The following GABARAPL2 variants were observed in gnomAD, a reference collection of about 807,000 sequenced individuals.
GABARAPL2 encodes GABA type A receptor associated protein like 2.
In GABARAPL2, 11 loss-of-function variants were observed where a neutral mutation model predicts 16.9. The ratio of observed to expected loss-of-function variants is 0.65; its 90% CI spans 0.41 to 1.08. GABARAPL2 has a LOEUF of 1.08. GABARAPL2 is among the 50% of genes least tolerant of loss of function. The pLI is 0.00. For synonymous variants in GABARAPL2, 57 were observed against 50.7 expected (o/e 1.12, Z -0.53); for missense variants, 134 against 142.5 (o/e 0.94, Z 0.30).
chr16:75,576,553 T>C (rs1020763929), intron 3 of GABARAPL2: 1 of 152,258 alleles, frequency 6.6e-6, no homozygotes, highest in Admixed American at 6.5e-5. Context: ...CTTCCTCTCA[T>C]CTCAGAGAGT....
At chr16:75,575,831 T>G (rs1182945659) in intron 3 of GABARAPL2, 1 of 152,206 alleles carries the variant, frequency 6.6e-6, no homozygotes, top group Non-Finnish European at 1.5e-5. Context: ...GGTGATCCAC[T>G]TAATATATTT....
In GABARAPL2 at chr16:75,577,516, G is replaced by T; in HGVS notation, c.*147G>T. On this transcript the variant is annotated 3_prime_UTR_variant, in exon 4 of 4. Transcript: ENST00000037243. Reference sequence around the variant, plus strand: ...ATTTCTTAATATATTGGAAGGTTTTGTTTCCTTAGACTAGTAAATTATCAT... The same window carrying T: ...ATTTCTTAATATATTGGAAGGTTTTTTTTCCTTAGACTAGTAAATTATCAT... 1 of 593,362 alleles carries T rather than the reference G, an allele frequency of 1.7e-6. No individual in the cohort carries two copies. Among genetic ancestry groups the T allele is most frequent in the Non-Finnish European group, 3.0e-6 (1 of 330,186 alleles). The allele number at this position is 593,362 out of a possible 1,614,324, so 36.8% of individuals were successfully genotyped here.
chr16:75,569,298 C>G (rs562921065), intron 3 of GABARAPL2, among the ~76,000 whole-genome samples: 2 of 152,202 alleles, frequency 1.3e-5, no homozygotes, highest in Admixed American at 1.3e-4. Flanking sequence ...GAAGCTCCTT[C>G]CCTAAGGCCA....
chr16:75,570,350 A>C (rs1423666841), intron 3 of GABARAPL2, among the ~76,000 whole-genome samples: 1 of 152,180 alleles, frequency 6.6e-6, no homozygotes, highest in Non-Finnish European at 1.5e-5. Context: ...TAAACATAAA[A>C]AGTGCTACAG....
At chr16:75,574,210 G>C (rs60393074) in intron 3 of GABARAPL2, among the ~76,000 whole-genome samples, 18,349 of 152,164 alleles carry the variant, frequency 0.12, 2,724 homozygotes, top group East Asian at 0.73. Context: ...ACACAGGCCC[G>C]GGGGTGGGCT....
At chr16:75,571,386 G>A (rs2151718349) in intron 3 of GABARAPL2, among the ~76,000 whole-genome samples, 1 of 152,316 alleles carries the variant, frequency 6.6e-6, no homozygotes, top group Admixed American at 6.5e-5. Flanking sequence ...AAAGGAAGTT[G>A]TGATGTTTTG....
At position 75,566,391 on chromosome 16, in the gene GABARAPL2, C is replaced by A. The variant is rs570946508; in HGVS notation, c.-96C>A. On this transcript the variant is annotated 5_prime_UTR_variant, in exon 1 of 4. Coordinates refer to ENST00000037243, the MANE Select transcript of GABARAPL2 (RefSeq NM_007285.7). The stretch of plus-strand genomic sequence containing the variant: ...CCGCCTGCCGTGTAGTCGCCGCCGT[C>A]GCTGCCGCTGCCGCTGCCGCCGTCG... 5.5e-6 allele frequency: 5 copies of A among 913,774 alleles called. No homozygotes were observed. The highest frequency in any genetic ancestry group is 5.3e-5 in the African/African-American group (3 of 56,690). 56.6% of individuals were successfully genotyped at this position (913,774 alleles called of 1,614,324 possible).
At chr16:75,576,608 T>C (rs1156471192) in intron 3 of GABARAPL2, 1 of 152,334 alleles carries the variant, frequency 6.6e-6, no homozygotes, top group Non-Finnish European at 1.5e-5. Flanking sequence ...GTGTTACTAG[T>C]CTTACTCTGG....
chr16:75,577,134 C>T (rs1012920169), intron 3 of GABARAPL2, 145 bp from the exon 4 acceptor site: 1 of 592,908 alleles, frequency 1.7e-6, no homozygotes, highest in South Asian at 2.2e-5. Context: ...TTTATGGCTC[C>T]TTTCTCTTGC....
intron 3 of GABARAPL2, among the ~76,000 whole-genome samples, chr16:75,571,143 A>G (rs1055822362): frequency 6.6e-6 from 1 of 152,202 alleles, no homozygotes; most frequent in African/African-American, 2.4e-5. Context: ...GCAGTGGCAC[A>G]GTCATAGCTC....
intron 2 of GABARAPL2, 64 bp from the exon 3 acceptor site, chr16:75,567,973 C>A (rs1023490733): frequency 4.8e-5 from 63 of 1,315,148 alleles, no homozygotes; most frequent in Non-Finnish European, 5.9e-5. Flanking sequence ...ATCAGCTCCT[C>A]AGCCATGTGA....
intron 3 of GABARAPL2, among the ~76,000 whole-genome samples, chr16:75,571,868 G>A (rs2080916729): frequency 1.3e-5 from 2 of 151,900 alleles, no homozygotes; most frequent in Non-Finnish European, 2.9e-5. Flanking sequence ...AGTAGAGACG[G>A]GTTTTACCAT....
intron 3 of GABARAPL2, among the ~76,000 whole-genome samples, chr16:75,570,729 A>T (rs1167041462): frequency 6.6e-6 from 1 of 152,256 alleles, no homozygotes; most frequent in Non-Finnish European, 1.5e-5. Flanking sequence ...ATAGAGACAG[A>T]GGCAAGTCCC....
chr16:75,572,329 GAT>G (rs2080920133), intron 3 of GABARAPL2: 2 of 152,380 alleles, frequency 1.3e-5, no homozygotes, highest in African/African-American at 4.8e-5. Context: ...CTGGAGAAGA[GAT>G]AATCCAAGGT....
chr16:75,574,915 C>T (rs2080939088), intron 3 of GABARAPL2, among the ~76,000 whole-genome samples: 1 of 151,942 alleles, frequency 6.6e-6, no homozygotes, highest in South Asian at 2.1e-4. Context: ...CACCTGTAAT[C>T]CCAGCTACTT....
At position 75,568,194 on chromosome 16, in the gene GABARAPL2, C is replaced by T. The variant is rs941629800; in HGVS notation, c.248C>T (p.Thr83Ile). ...GCGATCTTCCTGTTTGTGGATAAGA[C>T]AGTCCCACAGTCCAGGTGAGAGGTG... ...EKAIFLFVDK[T>I]VPQSSLTMGQ... The change falls in exon 3 of 4, where the codon ACA (threonine) becomes ATA (isoleucine). Residue 83 changes from threonine to isoleucine, a missense_variant. Thr to Ile is a moderately conservative substitution (Grantham distance 89). Transcript: ENST00000037243. The T allele has an allele frequency of 6.2e-7, 1 of 1,608,338 alleles. No individual in the cohort carries two copies. Among genetic ancestry groups the T allele is most frequent in the Non-Finnish European group, 8.5e-7 (1 of 1,175,058 alleles).
intron 3 of GABARAPL2, chr16:75,572,549 G>C (rs2080921896): frequency 6.6e-6 from 1 of 152,400 alleles, no homozygotes; most frequent in South Asian, 2.1e-4. Context: ...ACTGATGTCT[G>C]TCTTGAGTCA....
intron 3 of GABARAPL2, among the ~76,000 whole-genome samples, chr16:75,572,016 G>A (rs1348379550): frequency 6.6e-6 from 1 of 151,708 alleles, no homozygotes; most frequent in African/African-American, 2.4e-5. Flanking sequence ...TTCTGTCCTA[G>A]GCCGTGTGTG....
chr16:75,571,944 C>G (rs1026283581), intron 3 of GABARAPL2, among the ~76,000 whole-genome samples: 1 of 152,182 alleles, frequency 6.6e-6, no homozygotes, highest in Non-Finnish European at 1.5e-5. Context: ...TCCCAAAGTG[C>G]TGGGATTACA....
Sources: gnomAD v4.1 joint callset for allele counts (sites outside exome capture counted in the v4.1 genomes callset) on GRCh38, gnomAD v4.1.1 for gene constraint, MANE v1.5 for transcripts, NCBI Gene and HGNC (gene_info 2026-07-23, HGNC 2026-07-21) for gene names.